Variants in TTLL5 observed in about 807,000 individuals in gnomAD.
The protein encoded by TTLL5 is tubulin tyrosine ligase like 5.
Under a neutral mutation model 168.4 loss-of-function variants are expected in TTLL5, and 132 were observed. The ratio of observed to expected loss-of-function variants is 0.78; its 90% CI spans 0.68 to 0.91. TTLL5 has a LOEUF of 0.91. TTLL5 is among the 40% of genes least tolerant of loss of function. TTLL5 has a pLI of 0.00. For missense variants in TTLL5, 1,545 were observed against 1,581.5 expected (o/e 0.98, Z 0.39); for synonymous variants, 546 against 558.6 (o/e 0.98, Z 0.32).
chr14:75,746,559 T>TC (rs1170679149), intron 17 of TTLL5, among the ~76,000 whole-genome samples: 1 of 8,860 alleles, frequency 1.1e-4, no homozygotes, highest in East Asian at 8.5e-4. Flanking sequence ...TTTCTTTTCT[T>TC]TTTTTTTTTT....
intron 5 of TTLL5, chr14:75,689,442 C>T (rs1002685415): frequency 8.5e-5 from 13 of 152,296 alleles, no homozygotes; most frequent in African/African-American, 2.6e-4. Flanking sequence ...ACTAAAACAA[C>T]TTACTGAACA....
intron 31 of TTLL5, chr14:75,904,170 T>TA: frequency 4.8e-6 from 6 of 1,252,598 alleles, no homozygotes; most frequent in Non-Finnish European, 5.1e-6. Context: ...ATTCAAGAAA[T>TA]ACTTGATGGG....
intron 15 of TTLL5, among the ~76,000 whole-genome samples, chr14:75,744,086 C>T (rs1889446631): frequency 1.3e-5 from 2 of 152,162 alleles, no homozygotes; most frequent in Non-Finnish European, 2.9e-5. Context: ...TTAGTTACCA[C>T]AATGCCTTTG....
intron 28 of TTLL5, among the ~76,000 whole-genome samples, chr14:75,861,356 T>C (rs889958924): frequency 2.6e-5 from 4 of 152,162 alleles, no homozygotes; most frequent in African/African-American, 9.7e-5. Context: ...AAAGACCAGG[T>C]TGTGAGGGAG....
At chr14:75,819,383 A>T (rs1894700631) in intron 27 of TTLL5, among the ~76,000 whole-genome samples, 1 of 152,224 alleles carries the variant, frequency 6.6e-6, no homozygotes. Context: ...AATATTGTAT[A>T]CCAAAGTGAT....
At chr14:75,865,838 C>G (rs1486990420) in intron 29 of TTLL5, among the ~76,000 whole-genome samples, 1 of 152,152 alleles carries the variant, frequency 6.6e-6, no homozygotes. Flanking sequence ...TAGAATCTGT[C>G]AGAATATCTG....
At chr14:75,890,708 A>T (rs969800146) in intron 30 of TTLL5, among the ~76,000 whole-genome samples, 1 of 151,932 alleles carries the variant, frequency 6.6e-6, no homozygotes, top group Non-Finnish European at 1.5e-5. Context: ...ATTTTTCTGA[A>T]ATCTTTTTTG....
intron 6 of TTLL5, among the ~76,000 whole-genome samples, chr14:75,696,895 A>G (rs1321876019): frequency 6.6e-6 from 1 of 152,184 alleles, no homozygotes; most frequent in Non-Finnish European, 1.5e-5. Context: ...ATATCAGTTC[A>G]TTAATAATAT....
chr14:75,750,166 T>G (rs1889859857), intron 17 of TTLL5, among the ~76,000 whole-genome samples: 1 of 152,116 alleles, frequency 6.6e-6, no homozygotes, highest in South Asian at 2.1e-4. Context: ...ACAGCTTTCC[T>G]AGAACAAAAA....
intron 31 of TTLL5, among the ~76,000 whole-genome samples, chr14:75,916,183 A>G (rs2033608398): frequency 6.9e-6 from 1 of 144,768 alleles, no homozygotes; most frequent in Non-Finnish European, 1.5e-5. Context: ...GGAAGAAGGA[A>G]AGAAGGGAAG....
chr14:75,873,522 A>T (rs1026420073), intron 29 of TTLL5, among the ~76,000 whole-genome samples: 2 of 152,194 alleles, frequency 1.3e-5, no homozygotes, highest in Admixed American at 1.3e-4. Flanking sequence ...TTGTCATTAG[A>T]TTCTTTTACT....
At position 75,902,181 on chromosome 14, in the gene TTLL5, C is replaced by A. The variant is rs745436826; in HGVS notation, c.3780C>A (p.Ser1260Arg). 6.2e-7 allele frequency: 1 copy of A among 1,614,054 alleles called. No homozygotes were observed. Among genetic ancestry groups the A allele is most frequent in the Non-Finnish European group, 8.5e-7 (1 of 1,180,036 alleles). ...SAEGQLNGLQ[S>R]SLNPAAFVPI... The stretch of plus-strand genomic sequence containing the variant: ...AAGGGCAGCTGAATGGACTCCAGAG[C>A]AGCCTTAACCCTGCAGCCTTTGTGC... The change falls in exon 31 of 32, where the codon AGC (serine) becomes AGA (arginine). Residue 1260 changes from serine to arginine, a missense_variant. Transcript: ENST00000298832.
At chr14:75,952,375 T>A (rs938485037) in intron 31 of TTLL5, among the ~76,000 whole-genome samples, 5 of 152,024 alleles carry the variant, frequency 3.3e-5, no homozygotes, top group Non-Finnish European at 7.4e-5. Context: ...ATGGCTGTAA[T>A]GGAAAAGAGA....
intron 22 of TTLL5, 32 bp from the exon 23 acceptor site, chr14:75,776,714 GT>G (rs754005879): frequency 6.5e-7 from 1 of 1,540,776 alleles, no homozygotes; most frequent in Non-Finnish European, 8.9e-7. Flanking sequence ...GTTTTATCTT[GT>G]TGTTTTTCTG....
chr14:75,862,442 C>A (rs907271581), intron 28 of TTLL5, among the ~76,000 whole-genome samples: 1 of 152,208 alleles, frequency 6.6e-6, no homozygotes, highest in African/African-American at 2.4e-5. Flanking sequence ...TACTTTCCCA[C>A]CAGCATTGCA....
chr14:75,834,445 G>A (rs182910901), intron 28 of TTLL5, among the ~76,000 whole-genome samples: 21 of 152,168 alleles, frequency 1.4e-4, no homozygotes, highest in African/African-American at 5.1e-4. Flanking sequence ...AAACATTTCT[G>A]CATCTTTATA....
intron 6 of TTLL5, among the ~76,000 whole-genome samples, chr14:75,695,096 C>T (rs768112527): frequency 1.3e-5 from 2 of 152,190 alleles, no homozygotes; most frequent in Non-Finnish European, 2.9e-5. Context: ...TCTCTTCTTA[C>T]AAAAGCGAAT....
intron 31 of TTLL5, among the ~76,000 whole-genome samples, chr14:75,945,597 A>G (rs1302334735): frequency 6.6e-6 from 1 of 152,116 alleles, no homozygotes; most frequent in Non-Finnish European, 1.5e-5. Context: ...CCCAAAAAAT[A>G]ATAATAAATT....
At chr14:75,711,019 CA>C (rs886184465) in intron 9 of TTLL5, 2 of 152,194 alleles carry the variant, frequency 1.3e-5, no homozygotes, top group African/African-American at 2.4e-5. Flanking sequence ...AAATTCATTT[CA>C]CAAGACAGTT....
Sources: gnomAD v4.1 joint callset for allele counts (sites outside exome capture counted in the v4.1 genomes callset) on GRCh38, gnomAD v4.1.1 for gene constraint, MANE v1.5 for transcripts, NCBI Gene and HGNC (gene_info 2026-07-23, HGNC 2026-07-21) for gene names.